COG2: variants seen among roughly 807,000 people sequenced by gnomAD.
COG2 encodes component of oligomeric golgi complex 2, also known as conserved oligomeric Golgi complex subunit 2.
COG2 carries 52 observed loss-of-function variants against 90.6 expected under a neutral mutation model. The observed-to-expected ratio is 0.57, with a 90% CI of 0.46 to 0.72. The LOEUF (loss-of-function observed/expected upper bound fraction) is 0.72. Among genes scored for constraint, COG2 ranks in the 30% least tolerant of loss-of-function variants. The probability of loss-of-function intolerance (pLI) is 0.00; values close to 1 mark genes in which losing one functional copy is unlikely to be tolerated. For synonymous variants in COG2, 337 were observed against 320.4 expected (o/e 1.05, Z -0.55); for missense variants, 829 against 891.2 (o/e 0.93, Z 0.89).
chr1:230,656,469 C>T (rs765236261), intron 1 of COG2, among the ~76,000 whole-genome samples: 1 of 152,166 alleles, frequency 6.6e-6, no homozygotes, highest in East Asian at 1.9e-4. Flanking sequence ...CATTCTTTTG[C>T]ATTTGCTGAG....
At chr1:230,654,169 G>A (rs994479302) in intron 1 of COG2, among the ~76,000 whole-genome samples, 5 of 152,156 alleles carry the variant, frequency 3.3e-5, no homozygotes, top group African/African-American at 9.7e-5. Flanking sequence ...TGCTTTTGGT[G>A]TTTTAGACAT....
Position 230,688,162 on chromosome 1 carries a change from TA to T in COG2, c.1651+21del. On this transcript the variant is annotated intron_variant, in intron 14 of 17. Coordinates refer to ENST00000366669, the MANE Select transcript of COG2 (RefSeq NM_007357.3). ...ATCTCAGGTAAAAATGAATCTTGAC[TA>T]AGCAAATCTTTGAATAAGAAATGAT... 6.7e-7 allele frequency: 1 copy of T among 1,490,496 alleles called. No individual in the cohort carries two copies. Among genetic ancestry groups the T allele is most frequent in the Non-Finnish European group, 9.2e-7 (1 of 1,087,580 alleles). The allele number at this position is 1,490,496 out of a possible 1,614,324, so 92.3% of individuals were successfully genotyped here.
At position 230,680,651 on chromosome 1, in the gene COG2, C is replaced by T. The variant is rs564671992; in HGVS notation, c.1166+1599C>T. 5 of 152,216 alleles carry T rather than the reference C, an allele frequency of 3.3e-5. No homozygotes were observed. In the East Asian group the frequency reaches 9.6e-4, roughly 29 times the overall value. 9.4% of individuals were successfully genotyped at this position (152,216 alleles called of 1,614,324 possible). A position where few individuals can be genotyped will look rare whatever the true frequency, so the allele number is the denominator to read the frequency against. On this transcript the variant is annotated intron_variant, in intron 10 of 17. Transcript: ENST00000366669. ...TTAAGCCTTCAAAGGAGCTGATTAG[C>T]CTTTTTTAAAAAACCTCTTTTATTT...
chr1:230,686,388 C>A (rs936702322), intron 12 of COG2, among the ~76,000 whole-genome samples: 8 of 152,152 alleles, frequency 5.3e-5, no homozygotes. Flanking sequence ...AGGAATTCTC[C>A]GTTTATCTCT....
At chr1:230,689,978 C>G in intron 15 of COG2, 36 bp from the exon 16 acceptor site, 1 of 1,527,932 alleles carries the variant, frequency 6.5e-7, no homozygotes, top group Non-Finnish European at 8.8e-7. Context: ...CTGTTTTTTT[C>G]CTGTGCATCT....
At chr1:230,669,676 G>A (rs1662400883) in intron 7 of COG2, 141 bp downstream of exon 7, 1 of 718,812 alleles carries the variant, frequency 1.4e-6, no homozygotes, top group Non-Finnish European at 2.2e-6. Flanking sequence ...TATAAGGAAG[G>A]ATTGGTCTCC....
chr1:230,693,283 C>A lies in COG2; in HGVS notation c.2116-9C>A, dbSNP rs763425976. On this transcript the variant is annotated splice_polypyrimidine_tract_variant and intron_variant, in intron 17 of 17. Transcript: ENST00000366669. The stretch of plus-strand genomic sequence containing the variant: ...GCAGTAACATAATTCATTCTCATGG[C>A]CTTTGCAGATACAAAAGTTGGGACT... 18 of 1,554,218 alleles carry A rather than the reference C, an allele frequency of 1.2e-5. No homozygotes were observed. Among genetic ancestry groups the A allele is most frequent in the Non-Finnish European group, 1.5e-5 (17 of 1,125,726 alleles).
chr1:230,690,240 A>T, intron 16 of COG2, 87 bp downstream of exon 16: 1 of 1,180,198 alleles, frequency 8.5e-7, no homozygotes, highest in Non-Finnish European at 1.2e-6. Flanking sequence ...CTGCGTATGG[A>T]TAAGGCAGTG....
rs34796217 is a variant in COG2 at position 230,671,604 on chromosome 1, G to A, written c.863G>A (p.Arg288His). Residue 288 changes from arginine to histidine, a missense_variant, in exon 8 of 18, where the codon CGC (arginine) becomes CAC (histidine). Transcript: ENST00000366669. The stretch of plus-strand genomic sequence containing the variant: ...CTGGAGTTTGTTCCTCACCATTGCC[G>A]CCTTCTTCGAGAAGTCACAGGAGGT... The part of the protein sequence containing the change: ...KLLEFVPHHC[R>H]LLREVTGGAI... 20 of 1,613,438 alleles carry A rather than the reference G, an allele frequency of 1.2e-5. No individual in the cohort carries two copies. The highest frequency in any genetic ancestry group is 1.1e-4 in the East Asian group (5 of 44,850).
Position 230,669,334 on chromosome 1 carries a change from A to T in COG2, c.595-22A>T, listed in dbSNP as rs1380834882. 3.0e-5 allele frequency: 47 copies of T among 1,572,456 alleles called. No individual in the cohort carries two copies. In the Admixed American group the frequency reaches 4.4e-4, roughly 15 times the overall value. ...CTGTTACAACTAGAGCTTTTTTTTTATTTACCCACCTTTTCTTGCAGCGTA... is the reference window on the plus strand; with the variant it reads ...CTGTTACAACTAGAGCTTTTTTTTTTTTTACCCACCTTTTCTTGCAGCGTA... On this transcript the variant is annotated intron_variant, in intron 6 of 17. Coordinates refer to ENST00000366669, the MANE Select transcript of COG2 (RefSeq NM_007357.3).
intron 1 of COG2, among the ~76,000 whole-genome samples, chr1:230,653,849 C>A (rs956240104): frequency 3.3e-5 from 5 of 152,136 alleles, no homozygotes; most frequent in African/African-American, 1.2e-4. Flanking sequence ...GGGATGAACT[C>A]ACTTTTATAA....
intron 5 of COG2, among the ~76,000 whole-genome samples, chr1:230,665,602 G>A (rs549540402): frequency 4.6e-5 from 7 of 152,288 alleles, no homozygotes; most frequent in Admixed American, 1.3e-4. Context: ...TGAGGCATCC[G>A]AAAAGGAAAT....
rs137919872 is a variant in COG2 at position 230,653,948 on chromosome 1, C to A, written c.73-5516C>A. Reference sequence around the variant, plus strand: ...CCTCATGACCACTTCTTAAAGGTATCCTCTCAACTCTTGTATTGGAGATTA... The same window carrying A: ...CCTCATGACCACTTCTTAAAGGTATACTCTCAACTCTTGTATTGGAGATTA... On this transcript the variant is annotated intron_variant, in intron 1 of 17. Transcript: ENST00000366669. 5.1e-4 allele frequency among the ~76,000 whole-genome samples: 78 copies of A among 152,238 alleles called. 1 individual carries two copies. Among genetic ancestry groups the A allele is most frequent in the African/African-American group, 1.8e-3 (75 of 41,564 alleles).
Position 230,685,129 on chromosome 1 carries a change from A to T in COG2, c.1273A>T (p.Ser425Cys). 6.2e-7 allele frequency: 1 copy of T among 1,614,200 alleles called. No homozygotes were observed. The highest frequency in any genetic ancestry group is 8.5e-7 in the Non-Finnish European group (1 of 1,180,028). The change falls in exon 12 of 18, where the codon AGC becomes TGC. Residue 425 changes from serine to cysteine, a missense_variant. Coordinates refer to ENST00000366669, the MANE Select transcript of COG2 (RefSeq NM_007357.3). ...CLLASHRTWS[S>C]LRRCWSDEMF... ...TTTGGCTTCTCATAGAACTTGGAGC[A>T]GCCTTAGGAGGTGTTGGTCAGATGA...
rs111313789 is a variant in COG2, at chr1:230,693,225, CTT to C, written c.2116-60_2116-59del. ...TTAGTAGAGGATGAAGATTTTCTTT[CTT>C]TTTTTTCCCCCCCCATATTCAGCTT... On this transcript the variant is annotated intron_variant, in intron 17 of 17. Transcript: ENST00000366669. 7 of 942,206 alleles carry C rather than the reference CTT, an allele frequency of 7.4e-6. No homozygotes were observed. In the East Asian group the frequency reaches 1.2e-4, roughly 17 times the overall value. The allele number at this position is 942,206 out of a possible 1,614,324, so 58.4% of individuals were successfully genotyped here. A position where few individuals can be genotyped will look rare whatever the true frequency, so the allele number is the denominator to read the frequency against.
chr1:230,656,675 G>A (rs991456956), intron 1 of COG2, among the ~76,000 whole-genome samples: 2 of 152,024 alleles, frequency 1.3e-5, no homozygotes, highest in African/African-American at 2.4e-5. Flanking sequence ...TTGACAGTGG[G>A]GTGTTCAAAT....
intron 1 of COG2, among the ~76,000 whole-genome samples, chr1:230,646,179 C>T (rs1417032246): frequency 2.0e-5 from 3 of 152,218 alleles, no homozygotes; most frequent in Non-Finnish European, 4.4e-5. Context: ...TCTTCCATCT[C>T]ACAGCCAAAT....
At chr1:230,659,326 C>A in intron 1 of COG2, 138 bp from the exon 2 acceptor site, 1 of 723,314 alleles carries the variant, frequency 1.4e-6, no homozygotes, top group Non-Finnish European at 2.3e-6. Context: ...CATGTATAAG[C>A]CAAGATACTT....
At chr1:230,671,443 T>C in intron 7 of COG2, 73 bp from the exon 8 acceptor site, 1 of 1,386,772 alleles carries the variant, frequency 7.2e-7, no homozygotes, top group Admixed American at 2.2e-5. Context: ...TTTTCTTTAT[T>C]GTTTTCTCTG....
Sources: allele counts gnomAD v4.1 joint callset (sites outside exome capture counted in the v4.1 genomes callset), GRCh38; gene constraint gnomAD v4.1.1; transcripts MANE v1.5; gene names NCBI Gene and HGNC (gene_info 2026-07-23, HGNC 2026-07-21).